MIPEP: variants seen among roughly 807,000 people sequenced by gnomAD.
MIPEP encodes mitochondrial intermediate peptidase.
Under a neutral mutation model 90.3 loss-of-function variants are expected in MIPEP, and 79 were observed. The ratio of observed to expected loss-of-function variants is 0.87; its 90% CI spans 0.73 to 1.05. The LOEUF is 1.05. MIPEP is among the 50% of genes least tolerant of loss of function. The pLI is 0.00. For synonymous variants in MIPEP, 334 were observed against 315.8 expected, an observed-to-expected ratio of 1.06 and a Z score of -0.61; for missense variants, 940 against 905.6, an observed-to-expected ratio of 1.04 and a Z score of -0.49.
At chr13:23,760,870 CAT>C (rs1952535006) in intron 16 of MIPEP, among the ~76,000 whole-genome samples, 2 of 152,282 alleles carry the variant, frequency 1.3e-5, no homozygotes, top group East Asian at 3.9e-4. Flanking sequence ...TTTTATTTCA[CAT>C]GACTATCTAC....
rs1001786745 is a variant in MIPEP at position 23,809,758 on chromosome 13, T to C, written c.1728+92A>G. ...AGATGTTTTAGAAGCATAATTATTATAATAAATAGGTATCATTGGCAAGAA... is the reference window on the plus strand; with the variant it reads ...AGATGTTTTAGAAGCATAATTATTACAATAAATAGGTATCATTGGCAAGAA... On this transcript the variant is annotated intron_variant, in intron 15 of 18. Coordinates refer to ENST00000382172, the MANE Select transcript of MIPEP (RefSeq NM_005932.4). 67 of 808,400 alleles carry C rather than the reference T, an allele frequency of 8.3e-5. No homozygotes were observed. The East Asian group carries it at 1.6e-3, about 20-fold the overall frequency. 50.1% of individuals were successfully genotyped at this position (808,400 alleles called of 1,614,324 possible). A position where few individuals can be genotyped will look rare whatever the true frequency, so the allele number is the denominator to read the frequency against.
intron 2 of MIPEP, among the ~76,000 whole-genome samples, chr13:23,883,681 T>C (rs1593211060): frequency 6.6e-6 from 1 of 152,220 alleles, no homozygotes; most frequent in Non-Finnish European, 1.5e-5. Context: ...AAATTTTTTT[T>C]CCAAATATTT....
chr13:23,877,500 G>A (rs1248308295), intron 4 of MIPEP, among the ~76,000 whole-genome samples: 1 of 152,114 alleles, frequency 6.6e-6, no homozygotes, highest in Non-Finnish European at 1.5e-5. Flanking sequence ...AGTTAAACAG[G>A]TTTCTTTATG....
chr13:23,823,475 A>T (rs1953332960), intron 14 of MIPEP, among the ~76,000 whole-genome samples: 1 of 152,164 alleles, frequency 6.6e-6, no homozygotes, highest in African/African-American at 2.4e-5. Context: ...GGTGGGCATG[A>T]CAGTCCTACG....
At chr13:23,800,072 C>G (rs916946879) in intron 16 of MIPEP, among the ~76,000 whole-genome samples, 5 of 152,214 alleles carry the variant, frequency 3.3e-5, no homozygotes, top group African/African-American at 1.2e-4. Context: ...GTGCTGGAGA[C>G]ACAGCCTCAC....
chr13:23,839,782 C>T, intron 11 of MIPEP, 56 bp from the exon 12 acceptor site: 1 of 1,262,928 alleles, frequency 7.9e-7, no homozygotes, highest in Non-Finnish European at 1.1e-6. Flanking sequence ...TCTCTAAAAT[C>T]CCTAACACAA....
chr13:23,793,929 A>C (rs1453635221), intron 16 of MIPEP, among the ~76,000 whole-genome samples: 1 of 151,846 alleles, frequency 6.6e-6, no homozygotes, highest in Non-Finnish European at 1.5e-5. Context: ...TGGGCAAAGG[A>C]CTCTGGCCTT....
At chr13:23,815,556 G>T (rs1953223704) in intron 14 of MIPEP, among the ~76,000 whole-genome samples, 1 of 152,170 alleles carries the variant, frequency 6.6e-6, no homozygotes, top group Non-Finnish European at 1.5e-5. Flanking sequence ...AGATCCACCT[G>T]CCTGGGCTTC....
chr13:23,826,180 T>C (rs1309905287), intron 14 of MIPEP, among the ~76,000 whole-genome samples: 1 of 152,090 alleles, frequency 6.6e-6, no homozygotes, highest in African/African-American at 2.4e-5. Context: ...TAAAATATTC[T>C]CAAAATATAG....
chr13:23,820,012 T>TA (rs767277792), intron 14 of MIPEP, among the ~76,000 whole-genome samples: 382 of 130,206 alleles, frequency 2.9e-3, no homozygotes, highest in African/African-American at 5.4e-3. Context: ...TCCATCTCAA[T>TA]AAAAAAAAAA....
chr13:23,812,614 G>A (rs963586642), intron 14 of MIPEP, among the ~76,000 whole-genome samples: 14 of 151,814 alleles, frequency 9.2e-5, no homozygotes, highest in Non-Finnish European at 1.2e-4. Context: ...CACTCTCCCC[G>A]TCCCTCGCTC....
chr13:23,817,120 A>C (rs980963007), intron 14 of MIPEP, among the ~76,000 whole-genome samples: 3 of 152,110 alleles, frequency 2.0e-5, no homozygotes, highest in Non-Finnish European at 4.4e-5. Flanking sequence ...TGCTCTTTCG[A>C]GCTTTCTGCA....
intron 14 of MIPEP, among the ~76,000 whole-genome samples, chr13:23,833,558 C>G (rs149568983): frequency 6.6e-6 from 1 of 152,290 alleles, no homozygotes; most frequent in East Asian, 1.9e-4. Context: ...CATCTTCTTA[C>G]AGAATAATTT....
At chr13:23,864,113 A>G in intron 8 of MIPEP, 28 bp downstream of exon 8, 1 of 1,329,740 alleles carries the variant, frequency 7.5e-7, no homozygotes, top group Non-Finnish European at 1.0e-6. Flanking sequence ...ATATAACCAA[A>G]AAACTAAATA....
Position 23,886,328 on chromosome 13 carries a change from C to G in MIPEP, c.363+5G>C. On this transcript the variant is annotated splice_donor_5th_base_variant and intron_variant, in intron 2 of 18. Coordinates refer to ENST00000382172, the MANE Select transcript of MIPEP (RefSeq NM_005932.4). ...TAGCTTCAAGTCTGAGGTAAAGCACCTTACCAAGTCGGCCACTCTGCATAA... is the reference window on the plus strand; with the variant it reads ...TAGCTTCAAGTCTGAGGTAAAGCACGTTACCAAGTCGGCCACTCTGCATAA... The G allele has an allele frequency of 6.6e-7, 1 of 1,515,304 alleles. No individual in the cohort carries two copies. Among genetic ancestry groups the G allele is most frequent in the Non-Finnish European group, 8.8e-7 (1 of 1,129,972 alleles). The allele number at this position is 1,515,304 out of a possible 1,614,324, so 93.9% of individuals were successfully genotyped here.
At chr13:23,843,824 G>C (rs1053556169) in intron 10 of MIPEP, among the ~76,000 whole-genome samples, 5 of 152,190 alleles carry the variant, frequency 3.3e-5, no homozygotes, top group African/African-American at 1.2e-4. Flanking sequence ...CTGTGTGAGT[G>C]ATTGGATTTG....
intron 1 of MIPEP, among the ~76,000 whole-genome samples, chr13:23,887,871 G>A (rs1871575938): frequency 6.6e-6 from 1 of 152,182 alleles, no homozygotes; most frequent in Non-Finnish European, 1.5e-5. Flanking sequence ...GTCAGTGGGA[G>A]ACAAAGGAAA....
At chr13:23,818,294 C>T (rs1201824646) in intron 14 of MIPEP, among the ~76,000 whole-genome samples, 1 of 151,670 alleles carries the variant, frequency 6.6e-6, no homozygotes, top group African/African-American at 2.4e-5. Flanking sequence ...GTGGCGGGTG[C>T]CTGTAATCCC....
At chr13:23,874,580 A>G (rs1372087736) in intron 5 of MIPEP, among the ~76,000 whole-genome samples, 2 of 152,148 alleles carry the variant, frequency 1.3e-5, no homozygotes, top group Admixed American at 6.5e-5. Flanking sequence ...GATATTGCCT[A>G]TCTCATCCTA....
Sources: allele counts gnomAD v4.1 joint callset (sites outside exome capture counted in the v4.1 genomes callset), GRCh38; gene constraint gnomAD v4.1.1; transcripts MANE v1.5; gene names NCBI Gene and HGNC (gene_info 2026-07-23, HGNC 2026-07-21).